The following PDXDC1 variants were observed in gnomAD, a reference collection of about 807,000 sequenced individuals.
PDXDC1 encodes pyridoxal-dependent decarboxylase domain-containing protein 1.
In PDXDC1, 42 loss-of-function variants were observed where a neutral mutation model predicts 100.1. That is an observed-to-expected ratio of 0.42 (90% CI 0.33 to 0.54). The LOEUF is 0.54. Among genes scored for constraint, PDXDC1 ranks in the 20% least tolerant of loss-of-function variants. The pLI is 0.10. For synonymous variants in PDXDC1, 260 were observed against 371.7 expected, an observed-to-expected ratio of 0.70 and a Z score of 3.46; for missense variants, 636 against 979.2, an observed-to-expected ratio of 0.65 and a Z score of 4.68.
chr16:15,012,994 C>T (rs201864005), intron 8 of PDXDC1, among the ~76,000 whole-genome samples: 2 of 152,142 alleles, frequency 1.3e-5, no homozygotes, highest in Non-Finnish European at 2.9e-5. Context: ...CATGGTGAAA[C>T]CCCGTTTCCA....
chr16:15,140,095 C>CAAAAAAA (rs372891971), downstream of PDXDC1, among the ~76,000 whole-genome samples: 77 of 43,598 alleles, frequency 1.8e-3, no homozygotes, highest in African/African-American at 2.9e-3. Flanking sequence ...GACTCCATCT[C>CAAAAAAA]AAAAAAAAAA....
chr16:15,014,765 C>G (rs750370137), intron 8 of PDXDC1, among the ~76,000 whole-genome samples: 1 of 152,282 alleles, frequency 6.6e-6, no homozygotes, highest in Non-Finnish European at 1.5e-5. Flanking sequence ...GAATGCCTGA[C>G]TCAACGTTTT....
At chr16:15,006,898 AT>A (rs2040824849) in intron 6 of PDXDC1, among the ~76,000 whole-genome samples, 1 of 152,280 alleles carries the variant, frequency 6.6e-6, no homozygotes, top group African/African-American at 2.4e-5. Flanking sequence ...TTTAATAATA[AT>A]TTTTCAAAGT....
intron 16 of PDXDC1, among the ~76,000 whole-genome samples, chr16:15,075,842 TGCTGTGAGTACTG>T (rs1241705886): frequency 6.6e-6 from 1 of 152,136 alleles, no homozygotes; most frequent in African/African-American, 2.4e-5. Context: ...ACCTCCCCAC[TGCTGTGAGTACTG>T]GCGGCCAATA....
chr16:15,053,533 C>T (rs1332857870), intron 16 of PDXDC1, among the ~76,000 whole-genome samples: 1 of 152,154 alleles, frequency 6.6e-6, no homozygotes, highest in Non-Finnish European at 1.5e-5. Flanking sequence ...TTTCACCAAA[C>T]TAAAGAATGG....
intron 16 of PDXDC1, among the ~76,000 whole-genome samples, chr16:15,030,266 C>G (rs1174069279): frequency 6.6e-6 from 1 of 152,218 alleles, no homozygotes; most frequent in Non-Finnish European, 1.5e-5. Context: ...CTGAATTGGC[C>G]GGGCATGGTG....
rs145359266 is a variant in PDXDC1 at position 15,096,400 on chromosome 16, C to T, written c.1400-42479C>T. Among the ~76,000 whole-genome samples, 645 of 152,260 alleles carry T rather than the reference C, an allele frequency of 4.2e-3. 9 individuals are homozygous for T. Among genetic ancestry groups the T allele is most frequent in the African/African-American group, 0.015 (616 of 41,554 alleles). On this transcript the variant is annotated intron_variant, in intron 16 of 16. Coordinates refer to the PDXDC1 transcript ENST00000535621. ...CTGGGATTACAGGCATGAGCCACCA[C>T]GCCCCGCCAGCAGTTTGTTAAACAT...
chr16:15,094,159 G>T lies in PDXDC1; in HGVS notation c.1400-44720G>T, dbSNP rs138460528. 1.7e-3 allele frequency: 2,784 copies of T among 1,600,204 alleles called. 6 individuals carry two copies. Among genetic ancestry groups the T allele is most frequent in the South Asian group, 2.4e-3 (214 of 88,324 alleles). On this transcript the variant is annotated intron_variant, in intron 16 of 16. Transcript: ENST00000535621. ...CTGAATCTTACCCAGTCCTCGACGC[G>T]CCCAGCTTCTTAACTGCAGAGGACG...
At chr16:15,079,196 T>C (rs1386340905) in intron 16 of PDXDC1, among the ~76,000 whole-genome samples, 1 of 152,134 alleles carries the variant, frequency 6.6e-6, no homozygotes, top group South Asian at 2.1e-4. Context: ...TTTCCCTTAC[T>C]GTCTGCCTCC....
intron 1 of PDXDC1, among the ~76,000 whole-genome samples, chr16:14,992,330 T>G (rs145326346): frequency 3.0e-3 from 461 of 152,134 alleles, no homozygotes; most frequent in African/African-American, 0.01. Context: ...AGGAGAGAGA[T>G]AGATAAAAGT....
chr16:15,033,242 ACT>A (rs1329752927), intron 18 of PDXDC1, 34 bp from the exon 19 acceptor site: 1 of 1,612,432 alleles, frequency 6.2e-7, no homozygotes, highest in South Asian at 1.1e-5. Flanking sequence ...ATGACAGAGG[ACT>A]GAGAAACTCA....
At chr16:15,124,736 C>T (rs1389126014) in intron 16 of PDXDC1, among the ~76,000 whole-genome samples, 1 of 151,962 alleles carries the variant, frequency 6.6e-6, no homozygotes, top group Non-Finnish European at 1.5e-5. Flanking sequence ...TGCACCACTG[C>T]ACTCCAGCCT....
chr16:15,122,025 A>T (rs1218399148), intron 16 of PDXDC1: 1 of 283,718 alleles, frequency 3.5e-6, no homozygotes, highest in Admixed American at 5.0e-5. Flanking sequence ...AAAAATACAA[A>T]AATTAGCCAG....
intron 5 of PDXDC1, 123 bp downstream of exon 5, chr16:15,004,456 T>G (rs1033737458): frequency 1.8e-6 from 2 of 1,132,250 alleles, no homozygotes; most frequent in African/African-American, 3.2e-5. Flanking sequence ...GTGTTTAACC[T>G]CTCAATGCCT....
intron 1 of PDXDC1, among the ~76,000 whole-genome samples, chr16:14,983,450 GTGGT>G (rs1217470578): frequency 6.6e-6 from 1 of 152,148 alleles, no homozygotes; most frequent in Non-Finnish European, 1.5e-5. Flanking sequence ...GCATGTGCCT[GTGGT>G]CCCAGCTAAT....
chr16:15,147,474 G>A, the PDXDC1 span, among the ~76,000 whole-genome samples: 5 of 152,308 alleles, frequency 3.3e-5, no homozygotes, highest in Middle Eastern at 3.4e-3. Flanking sequence ...AGAACACAGA[G>A]GGCTCAGCGC....
chr16:14,976,508 C>T (rs2151118255), intron 1 of PDXDC1, among the ~76,000 whole-genome samples: 1 of 152,406 alleles, frequency 6.6e-6, no homozygotes, highest in East Asian at 1.9e-4. Flanking sequence ...CTTGTGCCAT[C>T]TCTGGGGTGA....
At chr16:15,142,130 G>C (rs1227243862), downstream of PDXDC1, among the ~76,000 whole-genome samples, 2 of 152,170 alleles carry the variant, frequency 1.3e-5, no homozygotes, top group African/African-American at 4.8e-5. Context: ...AAAGCCTGAA[G>C]ATGTTTGGCC....
At chr16:15,054,081 G>A (rs1033155654) in intron 16 of PDXDC1, among the ~76,000 whole-genome samples, 1 of 152,138 alleles carries the variant, frequency 6.6e-6, no homozygotes, top group African/African-American at 2.4e-5. Flanking sequence ...GGGCTGCTCC[G>A]GAGAAACTGG....
Sources: gnomAD v4.1 joint callset for allele counts (sites outside exome capture counted in the v4.1 genomes callset) on GRCh38, gnomAD v4.1.1 for gene constraint, MANE v1.5 for transcripts, NCBI Gene and HGNC (gene_info 2026-07-23, HGNC 2026-07-21) for gene names.